Variants in IGSF11 observed in about 807,000 individuals in gnomAD.
IGSF11 encodes the protein CXADR like 1.
A neutral mutation model predicts 41.0 loss-of-function variants in IGSF11; 22 were observed. The ratio of observed to expected loss-of-function variants is 0.54; its 90% CI spans 0.38 to 0.77. The LOEUF (loss-of-function observed/expected upper bound fraction) is 0.77. IGSF11 is among the 30% of genes least tolerant of loss of function. IGSF11 has a pLI of 0.00. For synonymous variants in IGSF11, 219 were observed against 201.3 expected, an observed-to-expected ratio of 1.09 and a Z score of -0.74; for missense variants, 444 against 530.8, an observed-to-expected ratio of 0.84 and a Z score of 1.61.
At chr3:118,983,876 CAGT>C (rs1175268952) in intron 1 of IGSF11, among the ~76,000 whole-genome samples, 16 of 152,068 alleles carry the variant, frequency 1.1e-4, no homozygotes, top group Non-Finnish European at 1.8e-4. Flanking sequence ...TAAACAATTT[CAGT>C]TGTGACCCCA....
intron 1 of IGSF11, among the ~76,000 whole-genome samples, chr3:119,030,165 G>A (rs1940261203): frequency 6.6e-6 from 1 of 152,162 alleles, no homozygotes; most frequent in Non-Finnish European, 1.5e-5. Context: ...AGAGTTAACT[G>A]CTAAATGAAA....
At chr3:118,931,564 C>G (rs1285505968) in intron 1 of IGSF11, among the ~76,000 whole-genome samples, 1 of 152,088 alleles carries the variant, frequency 6.6e-6, no homozygotes, top group Non-Finnish European at 1.5e-5. Flanking sequence ...ACACTGCATT[C>G]CACACATATA....
chr3:119,007,453 C>A (rs558586767), intron 1 of IGSF11, among the ~76,000 whole-genome samples: 1 of 151,962 alleles, frequency 6.6e-6, no homozygotes, highest in East Asian at 1.9e-4. Context: ...AGCTGTAGAC[C>A]GGAGCTGTTC....
chr3:119,014,007 A>C (rs1938412797), intron 1 of IGSF11, among the ~76,000 whole-genome samples: 1 of 152,240 alleles, frequency 6.6e-6, no homozygotes, highest in Non-Finnish European at 1.5e-5. Context: ...ACATAAAACA[A>C]ATCTAAAGGG....
chr3:119,085,280 A>G (rs1163316237), intron 1 of IGSF11, among the ~76,000 whole-genome samples: 3 of 152,190 alleles, frequency 2.0e-5, no homozygotes, highest in Admixed American at 1.3e-4. Context: ...CCCAAACTAC[A>G]ATGTCAAAAA....
intron 1 of IGSF11, among the ~76,000 whole-genome samples, chr3:118,984,750 TCTC>T (rs1414596711): frequency 3.3e-5 from 5 of 152,014 alleles, no homozygotes; most frequent in Admixed American, 2.0e-4. Context: ...TTTCCTAAGA[TCTC>T]CTGAAATAAA....
intron 1 of IGSF11, among the ~76,000 whole-genome samples, chr3:118,952,466 T>C (rs1425177946): frequency 6.6e-6 from 1 of 152,180 alleles, no homozygotes; most frequent in East Asian, 1.9e-4. Context: ...TCCTTTGTTG[T>C]CAGTTCAACA....
intron 6 of IGSF11, among the ~76,000 whole-genome samples, chr3:118,903,358 ATATAG>A (rs1939159902): frequency 6.6e-6 from 1 of 151,862 alleles, no homozygotes; most frequent in Non-Finnish European, 1.5e-5. Context: ...TGCTTTATAT[ATATAG>A]TATTCATATA....
chr3:118,954,163 T>TTC (rs2107587895), intron 1 of IGSF11, among the ~76,000 whole-genome samples: 1 of 152,300 alleles, frequency 6.6e-6, no homozygotes, highest in Admixed American at 6.5e-5. Flanking sequence ...AGGGTGTCCT[T>TTC]TCCCCACTTA....
At position 118,928,447 on chromosome 3, in the gene IGSF11, G is replaced by GT. The variant is rs1942545634; in HGVS notation, c.424+61dup. ...GGTGTAGAAACAAGGGCAGAAGCAAGTATGCTTGAGAGTAGCTTCGTGAGT... is the reference window on the plus strand; with the variant it reads ...GGTGTAGAAACAAGGGCAGAAGCAAGTTATGCTTGAGAGTAGCTTCGTGAGT... On this transcript the variant is annotated intron_variant, in intron 3 of 6. Transcript: ENST00000393775. 9.9e-6 allele frequency: 13 copies of GT among 1,315,326 alleles called. No homozygotes were observed. The South Asian group carries it at 1.6e-4, about 16-fold the overall frequency. The allele number at this position is 1,315,326 out of a possible 1,614,324, so 81.5% of individuals were successfully genotyped here.
intron 1 of IGSF11, among the ~76,000 whole-genome samples, chr3:119,052,261 C>T (rs1406611773): frequency 1.3e-5 from 2 of 152,070 alleles, no homozygotes; most frequent in African/African-American, 2.4e-5. Flanking sequence ...GGGTGGATCA[C>T]TTGAGGCCAG....
chr3:119,144,011 G>GA (rs2077685717), intron 1 of IGSF11, among the ~76,000 whole-genome samples: 1 of 152,086 alleles, frequency 6.6e-6, no homozygotes, highest in Non-Finnish European at 1.5e-5. Flanking sequence ...GATTTGAAGG[G>GA]AAAAAGAAAC....
At chr3:119,039,468 G>A (rs1320520637), upstream of IGSF11, among the ~76,000 whole-genome samples, 2 of 152,160 alleles carry the variant, frequency 1.3e-5, no homozygotes, top group Non-Finnish European at 2.9e-5. Flanking sequence ...AATCCAGAAT[G>A]ACCTCATTTC....
At chr3:119,065,639 A>T (rs973836045) in intron 1 of IGSF11, among the ~76,000 whole-genome samples, 5 of 152,104 alleles carry the variant, frequency 3.3e-5, no homozygotes, top group African/African-American at 1.2e-4. Context: ...CTAAAAATAC[A>T]AAAATTAGAT....
intron 4 of IGSF11, among the ~76,000 whole-genome samples, chr3:118,922,876 G>A (rs1368654437): frequency 6.6e-6 from 1 of 152,112 alleles, no homozygotes; most frequent in Non-Finnish European, 1.5e-5. Flanking sequence ...GACCAACTCA[G>A]TTCTTCCCAC....
intron 1 of IGSF11, among the ~76,000 whole-genome samples, chr3:119,133,091 C>T (rs755280614): frequency 6.6e-6 from 1 of 152,152 alleles, no homozygotes; most frequent in Non-Finnish European, 1.5e-5. Flanking sequence ...ATTTATAGCA[C>T]TAAATGCCCA....
intron 1 of IGSF11, among the ~76,000 whole-genome samples, chr3:119,053,891 A>C (rs1389824827): frequency 6.6e-6 from 1 of 152,186 alleles, no homozygotes; most frequent in Non-Finnish European, 1.5e-5. Flanking sequence ...ATCTTCATCA[A>C]AGCCAACAAA....
chr3:118,959,223 C>G (rs80129252), intron 1 of IGSF11, among the ~76,000 whole-genome samples: 1 of 152,088 alleles, frequency 6.6e-6, no homozygotes, highest in Non-Finnish European at 1.5e-5. Flanking sequence ...CTCCCTGCCA[C>G]GAATTGTGGA....
intron 1 of IGSF11, among the ~76,000 whole-genome samples, chr3:119,118,560 G>A (rs2077291001): frequency 6.6e-6 from 1 of 152,194 alleles, no homozygotes; most frequent in Non-Finnish European, 1.5e-5. Flanking sequence ...GGGAGGGGCT[G>A]CCACAAAGGT....
Sources: gnomAD v4.1 joint callset for allele counts (sites outside exome capture counted in the v4.1 genomes callset) on GRCh38, gnomAD v4.1.1 for gene constraint, MANE v1.5 for transcripts, NCBI Gene and HGNC (gene_info 2026-07-23, HGNC 2026-07-21) for gene names.